Variants in LAP3 observed in about 807,000 individuals in gnomAD.
LAP3 encodes the protein cytosol aminopeptidase.
LAP3 carries 46 observed loss-of-function variants against 58.8 expected under a neutral mutation model. That is an observed-to-expected ratio of 0.78 (90% confidence interval 0.62 to 1.00). The LOEUF (loss-of-function observed/expected upper bound fraction) is 1.00. LAP3 is among the 50% of genes least tolerant of loss of function. LAP3 has a pLI of 0.00. For synonymous variants in LAP3, 257 were observed against 237.7 expected (o/e 1.08, Z -0.75); for missense variants, 615 against 659.1 (o/e 0.93, Z 0.73).
At chr4:17,601,743 G>A (rs1404191003) in intron 10 of LAP3, among the ~76,000 whole-genome samples, 6 of 152,070 alleles carry the variant, frequency 3.9e-5, no homozygotes, top group Non-Finnish European at 7.3e-5. Context: ...CAATGTAAAT[G>A]CTATGTAAAT....
At chr4:17,581,650 C>A in intron 2 of LAP3, 110 bp from the exon 3 acceptor site, 1 of 722,502 alleles carries the variant, frequency 1.4e-6, no homozygotes, top group South Asian at 1.8e-5. Flanking sequence ...TGAAAAAGAC[C>A]ATGGAAGCAG....
chr4:17,595,807 G>A lies in LAP3; in HGVS notation c.988+273G>A, dbSNP rs1713813181. 3.3e-5 allele frequency among the ~76,000 whole-genome samples: 5 copies of A among 152,262 alleles called. No individual in the cohort carries two copies. The South Asian group carries it at 1.0e-3, about 32-fold the overall frequency. The stretch of plus-strand genomic sequence containing the variant: ...GTCAGGGGCACATAATGTCAAGTTT[G>A]TAGTTGACATTATGAAACTTGCTGG... On this transcript the variant is annotated intron_variant, in intron 8 of 12. Transcript: ENST00000226299.
chr4:17,597,105 G>A lies in LAP3; in HGVS notation c.1048G>A (p.Val350Ile). The A allele has an allele frequency of 6.2e-7, 1 of 1,614,220 alleles. No homozygotes were observed. Reference sequence around the variant, plus strand: ...CAAGGCCAACAAGCCGGGGGATGTTGTTAGAGCCAAAAACGGGAAGACCAT... The same window carrying A: ...CAAGGCCAACAAGCCGGGGGATGTTATTAGAGCCAAAAACGGGAAGACCAT... ...SGKANKPGDV[V>I]RAKNGKTIQV... The change falls in exon 9 of 13, where the codon GTT becomes ATT. Residue 350 changes from valine (V) to isoleucine (I), a missense_variant. Val to Ile is a conservative substitution (Grantham distance 29, BLOSUM62 3). Coordinates refer to ENST00000226299, the MANE Select transcript of LAP3 (RefSeq NM_015907.3).
chr4:17,602,971 C>T (rs544558752), intron 10 of LAP3, among the ~76,000 whole-genome samples: 3 of 151,544 alleles, frequency 2.0e-5, no homozygotes, highest in East Asian at 2.0e-4. Context: ...TGTGAGCCAC[C>T]GCGCCCAGCC....
Position 17,597,030 on chromosome 4 carries a change from ATAT to A in LAP3, c.989-11_989-9del. On this transcript the variant is annotated splice_polypyrimidine_tract_variant and intron_variant, in intron 8 of 12. Coordinates refer to ENST00000226299, the MANE Select transcript of LAP3 (RefSeq NM_015907.3). Reference sequence around the variant, plus strand: ...CCCAGTATATACTGTGTGCCTTCATATATTATTTCCAATAGGTCTGGCCCCTCT... The same window carrying A: ...CCCAGTATATACTGTGTGCCTTCATATATTTCCAATAGGTCTGGCCCCTCT... The A allele has an allele frequency of 6.2e-7, 1 of 1,613,462 alleles. No homozygotes were observed. The highest frequency in any genetic ancestry group is 8.5e-7 in the Non-Finnish European group (1 of 1,179,434).
At chr4:17,593,322 TC>T (rs1713743817) in intron 7 of LAP3, among the ~76,000 whole-genome samples, 2 of 152,280 alleles carry the variant, frequency 1.3e-5, no homozygotes, top group African/African-American at 2.4e-5. Context: ...CTTTTTTTTT[TC>T]CTATGTGGCT....
chr4:17,590,471 A>G (rs909189843), intron 7 of LAP3, among the ~76,000 whole-genome samples: 1 of 152,208 alleles, frequency 6.6e-6, no homozygotes, highest in Non-Finnish European at 1.5e-5. Context: ...TTTTCCTGGT[A>G]TAGCCCATCA....
chr4:17,601,390 A>AT (rs1560348600), intron 10 of LAP3, among the ~76,000 whole-genome samples: 1 of 152,128 alleles, frequency 6.6e-6, no homozygotes, highest in African/African-American at 2.4e-5. Context: ...TATGTCTGCC[A>AT]TTTTTTATTA....
At position 17,597,262 on chromosome 4, in the gene LAP3, GC is replaced by G. The variant is rs1713854213; in HGVS notation, c.1077+129del. 4 of 761,604 alleles carry G rather than the reference GC, an allele frequency of 5.3e-6. No homozygotes were observed. The East Asian group carries it at 1.1e-4, about 20-fold the overall frequency. 47.2% of individuals were successfully genotyped at this position (761,604 alleles called of 1,614,324 possible). A position where few individuals can be genotyped will look rare whatever the true frequency, so the allele number is the denominator to read the frequency against. On this transcript the variant is annotated intron_variant, in intron 9 of 12. Transcript: ENST00000226299. The stretch of plus-strand genomic sequence containing the variant: ...ATTAGGGGAGGGTGCTGTCTTTAGT[GC>G]TGGGTAGCCTTTCTTTTCCTTCCCT...
intron 1 of LAP3, among the ~76,000 whole-genome samples, chr4:17,577,792 T>C (rs7658447): frequency 0.74 from 112,395 of 152,194 alleles, 42,292 homozygotes; most frequent in East Asian, 0.93. Flanking sequence ...GGGGTGATGG[T>C]TGTAGCCGCC....
intron 10 of LAP3, among the ~76,000 whole-genome samples, chr4:17,599,680 T>C (rs1267430899): frequency 1.3e-5 from 2 of 152,152 alleles, no homozygotes; most frequent in African/African-American, 4.8e-5. Flanking sequence ...ATGTATCTAA[T>C]ACCCTCTGAG....
chr4:17,579,373 G>T (rs1713290912), intron 1 of LAP3, among the ~76,000 whole-genome samples: 1 of 152,192 alleles, frequency 6.6e-6, no homozygotes, highest in Admixed American at 6.5e-5. Context: ...CCTGCTTTTA[G>T]GGAGAAAGGG....
chr4:17,600,148 C>T (rs746050485), intron 10 of LAP3, among the ~76,000 whole-genome samples: 1 of 152,186 alleles, frequency 6.6e-6, no homozygotes, highest in African/African-American at 2.4e-5. Flanking sequence ...AAATTAATTT[C>T]TGAATCTTAA....
chr4:17,578,059 G>A (rs778690850), intron 1 of LAP3, among the ~76,000 whole-genome samples: 1 of 152,238 alleles, frequency 6.6e-6, no homozygotes, highest in Non-Finnish European at 1.5e-5. Flanking sequence ...GCTTTGGGGA[G>A]AGACCCACGT....
intron 8 of LAP3, among the ~76,000 whole-genome samples, chr4:17,596,571 T>C (rs956838439): frequency 5.3e-5 from 8 of 152,170 alleles, no homozygotes; most frequent in African/African-American, 1.9e-4. Flanking sequence ...ACTCCTGACC[T>C]CAGGTGATCT....
intron 10 of LAP3, among the ~76,000 whole-genome samples, chr4:17,601,326 A>G (rs1228441830): frequency 1.3e-5 from 2 of 152,210 alleles, no homozygotes; most frequent in Non-Finnish European, 2.9e-5. Context: ...CTATTTAGCT[A>G]TATAATAAAA....
At chr4:17,603,056 C>T (rs1437174278) in intron 10 of LAP3, among the ~76,000 whole-genome samples, 1 of 151,244 alleles carries the variant, frequency 6.6e-6, no homozygotes, top group East Asian at 2.0e-4. Flanking sequence ...ACCTGTAATC[C>T]CAGCACTTTG....
At position 17,582,213 on chromosome 4, in the gene LAP3, C is replaced by CTTGCTGG. The variant is rs1388933067; in HGVS notation, c.274-75_274-74insTTGCTGG. On this transcript the variant is annotated intron_variant, in intron 3 of 12. Transcript: ENST00000226299. ...ATTGTGTGGGAGCTCAGTGAGTCTCCACATGTAGAATTCCTTGCTGGAAAT... is the reference window on the plus strand; with the variant it reads ...ATTGTGTGGGAGCTCAGTGAGTCTCCTTGCTGGACATGTAGAATTCCTTGCTGGAAAT... 1.2e-5 allele frequency: 14 copies of CTTGCTGG among 1,186,792 alleles called. No individual in the cohort carries two copies. The African/African-American group carries it at 1.5e-4, about 13-fold the overall frequency. The allele number at this position is 1,186,792 out of a possible 1,614,324, so 73.5% of individuals were successfully genotyped here. A position where few individuals can be genotyped will look rare whatever the true frequency, so the allele number is the denominator to read the frequency against.
In LAP3 at chr4:17,606,939, G is replaced by A; in HGVS notation, c.1370+1G>A. 2 of 1,572,320 alleles carry A rather than the reference G, an allele frequency of 1.3e-6. No homozygotes were observed. The highest frequency in any genetic ancestry group is 8.7e-7 in the Non-Finnish European group (1 of 1,144,578). On this transcript the variant is annotated splice_donor_variant, in intron 12 of 12. Coordinates refer to ENST00000226299, the MANE Select transcript of LAP3 (RefSeq NM_015907.3). LOFTEE classifies it high-confidence loss of function. The stretch of plus-strand genomic sequence containing the variant: ...ATGTTAACAACATTGGAAAATACAG[G>A]TATGTAAGCTAAGCTAAATGTACAT...
Sources: allele counts gnomAD v4.1 joint callset (sites outside exome capture counted in the v4.1 genomes callset), GRCh38; gene constraint gnomAD v4.1.1; transcripts MANE v1.5; gene names NCBI Gene and HGNC (gene_info 2026-07-23, HGNC 2026-07-21).